The following HADH variants were observed in gnomAD, a reference collection of about 807,000 sequenced individuals.
HADH encodes hydroxyacyl-coenzyme A dehydrogenase, mitochondrial.
HADH carries 24 observed loss-of-function variants against 32.2 expected under a neutral mutation model. The observed-to-expected ratio is 0.75, with a 90% CI of 0.54 to 1.05. The LOEUF is 1.05. HADH is among the 50% of genes least tolerant of loss of function. HADH has a pLI of 0.00. For missense variants in HADH, 350 were observed against 397.1 expected (o/e 0.88, Z 1.01); for synonymous variants, 139 against 152.5 (o/e 0.91, Z 0.65).
chr4:107,999,323 G>A (rs1175621128), intron 1 of HADH, among the ~76,000 whole-genome samples: 2 of 152,196 alleles, frequency 1.3e-5, no homozygotes, highest in Non-Finnish European at 2.9e-5. Context: ...CTTGCATTGG[G>A]CAACGCATAG....
At chr4:107,991,893 T>G (rs1224092578) in intron 1 of HADH, among the ~76,000 whole-genome samples, 1 of 152,202 alleles carries the variant, frequency 6.6e-6, no homozygotes, top group African/African-American at 2.4e-5. Context: ...CAGAAACTTG[T>G]GGCTGGTGTC....
At chr4:108,007,689 G>A (rs547296300) in intron 1 of HADH, among the ~76,000 whole-genome samples, 56 of 152,322 alleles carry the variant, frequency 3.7e-4, no homozygotes, top group Non-Finnish European at 5.6e-4. Context: ...TTAGACTAAC[G>A]CACCAGTAGG....
In HADH at chr4:107,990,056, A is replaced by C. The variant is rs775923392; in HGVS notation, c.124A>C (p.Ile42Leu). The C allele has an allele frequency of 9.3e-6, 15 of 1,609,832 alleles. No homozygotes were observed. The South Asian group carries it at 1.3e-4, about 14-fold the overall frequency. Residue 42 changes from isoleucine to leucine, a missense_variant, in exon 1 of 8, where the codon ATT (isoleucine) becomes CTT (leucine). Ile to Leu is a conservative substitution (Grantham distance 5). Transcript: ENST00000309522. ...CGGCGGCGGGCTGATGGGCGCCGGC[A>C]TTGCCCAGGTGAGCGGCCCTCCCTG... ...VIGGGLMGAG[I>L]AQVAAATGHT...
chr4:108,000,974 AAGAGC>A (rs1356540912), intron 1 of HADH, among the ~76,000 whole-genome samples: 1 of 152,262 alleles, frequency 6.6e-6, no homozygotes, highest in Non-Finnish European at 1.5e-5. Flanking sequence ...TTTTAAATCT[AAGAGC>A]AGAGATTAGA....
intron 7 of HADH, 98 bp from the exon 8 acceptor site, chr4:108,034,141 C>A: frequency 1.2e-6 from 1 of 856,880 alleles, no homozygotes; most frequent in Non-Finnish European, 2.0e-6. Context: ...GGGGCTCTCC[C>A]ACATCAGAGG....
intron 1 of HADH, among the ~76,000 whole-genome samples, chr4:108,008,317 T>C (rs950675457): frequency 2.0e-5 from 3 of 152,104 alleles, no homozygotes; most frequent in Non-Finnish European, 4.4e-5. Context: ...CCTGGGAGCG[T>C]TTTCATGCCT....
chr4:108,027,640 A>G (rs769221668), intron 5 of HADH, 48 bp from the exon 6 acceptor site: 2 of 1,142,148 alleles, frequency 1.8e-6, no homozygotes, highest in Non-Finnish European at 2.7e-6. Context: ...AAAAGATACC[A>G]TTTAATGAAA....
chr4:108,007,951 C>T (rs774751767), intron 1 of HADH, among the ~76,000 whole-genome samples: 12 of 152,172 alleles, frequency 7.9e-5, no homozygotes, highest in Non-Finnish European at 8.8e-5. Flanking sequence ...AGGAACCTTG[C>T]ACTTTTAGAT....
intron 3 of HADH, 73 bp from the exon 4 acceptor site, chr4:108,019,467 T>C: frequency 7.3e-7 from 1 of 1,372,608 alleles, no homozygotes; most frequent in South Asian, 1.2e-5. Flanking sequence ...ACCTTGTGCA[T>C]TGCATCCAAG....
rs886415702 is a variant in HADH, at chr4:108,015,933, C to G, written c.419+1345C>G. 2.6e-5 allele frequency among the ~76,000 whole-genome samples: 4 copies of G among 152,152 alleles called. No homozygotes were observed. In the East Asian group the frequency reaches 5.9e-4, roughly 22 times the overall value. On this transcript the variant is annotated intron_variant, in intron 3 of 7. Coordinates refer to ENST00000309522, the MANE Select transcript of HADH (RefSeq NM_005327.7). ...GTGTCCTTAACTGTCTGCCAAGGAC[C>G]CTCAGAGCAGTTCTGTGTTTCCTCC... is the stretch of plus-strand genomic sequence containing the variant.
At chr4:107,992,199 GA>G (rs924469025) in intron 1 of HADH, among the ~76,000 whole-genome samples, 2 of 151,672 alleles carry the variant, frequency 1.3e-5, no homozygotes, top group Admixed American at 6.6e-5. Context: ...AAACTTAAGG[GA>G]AAAAAAAGCT....
intron 1 of HADH, among the ~76,000 whole-genome samples, chr4:108,008,164 C>T (rs1200455293): frequency 2.0e-5 from 3 of 152,156 alleles, no homozygotes; most frequent in Admixed American, 6.5e-5. Context: ...GCTTTTGGGA[C>T]GTTGTTTTAC....
intron 1 of HADH, among the ~76,000 whole-genome samples, chr4:107,998,280 ATTGTT>A (rs1445709176): frequency 2.0e-5 from 3 of 151,526 alleles, no homozygotes; most frequent in African/African-American, 7.3e-5. Flanking sequence ...ACTGGAAATG[ATTGTT>A]TTGTTTTGTT....
chr4:108,022,126 G>A (rs145817784), intron 4 of HADH, among the ~76,000 whole-genome samples: 1,671 of 151,010 alleles, frequency 0.011, 31 homozygotes, highest in African/African-American at 0.039. Flanking sequence ...CTTTGACTCC[G>A]ATTGAAGTTC....
chr4:108,009,795 G>A lies in HADH; in HGVS notation c.169G>A (p.Asp57Asn). 1 of 1,611,892 alleles carries A rather than the reference G, an allele frequency of 6.2e-7. No homozygotes were observed. The highest frequency in any genetic ancestry group is 8.5e-7 in the Non-Finnish European group (1 of 1,178,006). The change falls in exon 2 of 8, where the codon GAC becomes AAC. Residue 57 changes from aspartate (D) to asparagine (N), a missense_variant. Asp to Asn is a conservative substitution (Grantham distance 23). Coordinates refer to ENST00000309522, the MANE Select transcript of HADH (RefSeq NM_005327.7). ...AACTGGTCACACAGTAGTGTTGGTA[G>A]ACCAGACAGAGGACATCCTGGCAAA... ...AATGHTVVLVDQTEDILAKSK... is the reference protein window; with the variant it reads ...AATGHTVVLVNQTEDILAKSK...
At chr4:108,000,816 G>A (rs1206107627) in intron 1 of HADH, among the ~76,000 whole-genome samples, 6 of 152,190 alleles carry the variant, frequency 3.9e-5, no homozygotes, top group Non-Finnish European at 5.9e-5. Flanking sequence ...GGAGGGAGAC[G>A]TGTGGTGTGG....
In HADH at chr4:108,010,849, C is replaced by CT. The variant is rs1199994737; in HGVS notation, c.261+981dup. ...TTGTAACATGTGTCACAACTTCATTCTTTTTTTTTTTTTTTTTTTCTGAGA... is the reference window on the plus strand; with the variant it reads ...TTGTAACATGTGTCACAACTTCATTCTTTTTTTTTTTTTTTTTTTTCTGAGA... On this transcript the variant is annotated intron_variant, in intron 2 of 7. Coordinates refer to ENST00000309522, the MANE Select transcript of HADH (RefSeq NM_005327.7). Among the ~76,000 whole-genome samples the CT allele has an allele frequency of 2.9e-3, 362 of 124,784 alleles. 1 individual carries two copies. Among genetic ancestry groups the CT allele is most frequent in the South Asian group, 7.6e-3 (30 of 3,926 alleles). The allele number at this position is 124,784 out of a possible 152,430, so 81.9% of individuals were successfully genotyped here.
intron 3 of HADH, among the ~76,000 whole-genome samples, chr4:108,017,000 G>T (rs577229865): frequency 6.6e-6 from 1 of 152,264 alleles, no homozygotes; most frequent in South Asian, 2.1e-4. Flanking sequence ...TGAAAAGAAG[G>T]CATGACCCAT....
At chr4:107,993,065 G>A (rs111791920) in intron 1 of HADH, among the ~76,000 whole-genome samples, 3,236 of 152,322 alleles carry the variant, frequency 0.021, 74 homozygotes, top group African/African-American at 0.056. Context: ...GCAGTGAGCC[G>A]AGATCGCACC....
Sources: gnomAD v4.1 joint callset for allele counts (sites outside exome capture counted in the v4.1 genomes callset) on GRCh38, gnomAD v4.1.1 for gene constraint, MANE v1.5 for transcripts, NCBI Gene and HGNC (gene_info 2026-07-23, HGNC 2026-07-21) for gene names.